The following CIRSR variants were observed in gnomAD, a reference collection of about 807,000 sequenced individuals.
CIRSR encodes the protein corepressor of RBPJ and splicing regulator.
chr2:174,393,776 T>C, the CIRSR span, among the ~76,000 whole-genome samples: 1 of 152,068 alleles, frequency 6.6e-6, no homozygotes, highest in Non-Finnish European at 1.5e-5. Flanking sequence ...GTGACAAGTA[T>C]ATCCCTGTGA....
the CIRSR span, among the ~76,000 whole-genome samples, chr2:174,369,379 ACTT>A: frequency 6.6e-6 from 1 of 152,206 alleles, no homozygotes. Context: ...GATGGTTTGA[ACTT>A]CTATCCAGAT....
the CIRSR span, among the ~76,000 whole-genome samples, chr2:174,378,490 C>CT: frequency 6.6e-6 from 1 of 151,798 alleles, no homozygotes; most frequent in South Asian, 2.1e-4. Flanking sequence ...CAGTAAGTAA[C>CT]TTTAAGTAAA....
the CIRSR span, among the ~76,000 whole-genome samples, chr2:174,377,150 T>C: frequency 6.6e-6 from 1 of 152,134 alleles, no homozygotes; most frequent in African/African-American, 2.4e-5. Flanking sequence ...AGGGGCACTA[T>C]AAAGTTCGAG....
At chr2:174,365,067 A>C in the CIRSR span, among the ~76,000 whole-genome samples, 3 of 152,162 alleles carry the variant, frequency 2.0e-5, no homozygotes, top group Non-Finnish European at 4.4e-5. Flanking sequence ...AAAAAACTGA[A>C]TGTTTTTAAT....
chr2:174,384,322 T>C, the CIRSR span, among the ~76,000 whole-genome samples: 1 of 152,138 alleles, frequency 6.6e-6, no homozygotes, highest in South Asian at 2.1e-4. Flanking sequence ...AATAGGCAAA[T>C]TCATAGACAC....
the CIRSR span, chr2:174,349,297 T>G: frequency 1.6e-3 from 822 of 520,894 alleles, no homozygotes; most frequent in East Asian, 2.0e-3. Flanking sequence ...CAGAGCGCGC[T>G]GGCTCATACC....
At chr2:174,348,536 G>A in the CIRSR span, 1 of 1,613,902 alleles carries the variant, frequency 6.2e-7, no homozygotes. Flanking sequence ...TACCTCCTGG[G>A]TGCTCTCTGT....
At chr2:174,348,747 T>C in the CIRSR span, 1 of 1,614,176 alleles carries the variant, frequency 6.2e-7, no homozygotes, top group Non-Finnish European at 8.5e-7. Flanking sequence ...AGAGCCTCTC[T>C]TCTCTGGGCT....
chr2:174,349,741 T>C, the CIRSR span, among the ~76,000 whole-genome samples: 53 of 152,280 alleles, frequency 3.5e-4, no homozygotes, highest in African/African-American at 1.2e-3. Flanking sequence ...TACTTTTTTG[T>C]TAAATTCTTA....
chr2:174,379,946 A>G, the CIRSR span, among the ~76,000 whole-genome samples: 1 of 151,646 alleles, frequency 6.6e-6, no homozygotes, highest in Non-Finnish European at 1.5e-5. Context: ...GCTGGTCTCG[A>G]ACTCCTGACC....
chr2:174,369,696 A>G, the CIRSR span, among the ~76,000 whole-genome samples: 22 of 152,322 alleles, frequency 1.4e-4, no homozygotes, highest in Middle Eastern at 6.8e-3. Context: ...GTCTCAGAGA[A>G]CAGGGAGGCC....
At chr2:174,353,422 C>T in the CIRSR span, among the ~76,000 whole-genome samples, 1 of 152,024 alleles carries the variant, frequency 6.6e-6, no homozygotes, top group Non-Finnish European at 1.5e-5. Context: ...AATATTAATA[C>T]TGGTTGCCTC....
the CIRSR span, among the ~76,000 whole-genome samples, chr2:174,352,492 T>C: frequency 6.6e-6 from 1 of 152,184 alleles, no homozygotes; most frequent in Non-Finnish European, 1.5e-5. Context: ...CTCATGCGTG[T>C]AATCCCAGCA....
the CIRSR span, among the ~76,000 whole-genome samples, chr2:174,367,614 T>G: frequency 6.6e-6 from 1 of 151,748 alleles, no homozygotes; most frequent in African/African-American, 2.4e-5. Flanking sequence ...TGATTGTGCA[T>G]GCCTGTCATC....
the CIRSR span, among the ~76,000 whole-genome samples, chr2:174,385,292 T>C: frequency 6.8e-6 from 1 of 148,016 alleles, no homozygotes; most frequent in African/African-American, 2.5e-5. Flanking sequence ...ATTGATATAA[T>C]AAACATTAAG....
the CIRSR span, among the ~76,000 whole-genome samples, chr2:174,389,632 G>C: frequency 6.6e-6 from 1 of 152,142 alleles, no homozygotes; most frequent in Admixed American, 6.5e-5. Flanking sequence ...ATGAGAAGTC[G>C]AATGTTAATC....
chr2:174,362,686 C>CAA, the CIRSR span, among the ~76,000 whole-genome samples: 353 of 20,598 alleles, frequency 0.017, 45 homozygotes, highest in African/African-American at 0.031. Context: ...GACTCTGCCT[C>CAA]AAAAAAAAAA....
the CIRSR span, chr2:174,381,897 G>T: frequency 1.5e-6 from 1 of 686,392 alleles, no homozygotes; most frequent in East Asian, 2.8e-5. Context: ...GTTAGAAACA[G>T]AGTTCTAAAA....
the CIRSR span, among the ~76,000 whole-genome samples, chr2:174,392,370 T>A: frequency 1.3e-5 from 2 of 152,324 alleles, no homozygotes; most frequent in East Asian, 3.9e-4. Flanking sequence ...CATGAATACA[T>A]TTTAAAAACC....
Sources: gnomAD v4.1 joint callset for allele counts (sites outside exome capture counted in the v4.1 genomes callset) on GRCh38, gnomAD v4.1.1 for gene constraint, MANE v1.5 for transcripts, NCBI Gene and HGNC (gene_info 2026-07-23, HGNC 2026-07-21) for gene names.